The following TRAPPC9 variants were observed in gnomAD, a reference collection of about 807,000 sequenced individuals.
The protein encoded by TRAPPC9 is IKK2 binding protein.
In TRAPPC9, 83 loss-of-function variants were observed where a neutral mutation model predicts 124.0. The observed-to-expected ratio is 0.67, with a 90% CI of 0.56 to 0.80. The LOEUF (loss-of-function observed/expected upper bound fraction) is 0.80. Among genes scored for constraint, TRAPPC9 ranks in the 30% least tolerant of loss-of-function variants. TRAPPC9 has a pLI of 0.00. For missense variants in TRAPPC9, 1,302 were observed against 1,508.3 expected, an observed-to-expected ratio of 0.86 and a Z score of 2.27; for synonymous variants, 638 against 617.5, an observed-to-expected ratio of 1.03 and a Z score of -0.49.
At chr8:140,292,798 G>A (rs1233736606) in intron 11 of TRAPPC9, among the ~76,000 whole-genome samples, 1 of 147,920 alleles carries the variant, frequency 6.8e-6, no homozygotes, top group Non-Finnish European at 1.5e-5. Flanking sequence ...TCAGGACATA[G>A]GCATGGGCAA....
chr8:139,925,747 T>TAAA (rs745528003), intron 19 of TRAPPC9, among the ~76,000 whole-genome samples: 1 of 124,960 alleles, frequency 8.0e-6, no homozygotes, highest in African/African-American at 3.0e-5. Context: ...GACTCCATCT[T>TAAA]AAAAAAAAAA....
At chr8:140,082,240 A>G (rs944751531) in intron 17 of TRAPPC9, 1 of 139,850 alleles carries the variant, frequency 7.2e-6, no homozygotes, top group East Asian at 2.2e-4. Flanking sequence ...ACCTGGGCCC[A>G]GCAGTGATTT....
chr8:139,995,358 C>T (rs886838136), intron 18 of TRAPPC9, among the ~76,000 whole-genome samples: 3 of 152,094 alleles, frequency 2.0e-5, no homozygotes, highest in Non-Finnish European at 4.4e-5. Context: ...TTTTTTCTTC[C>T]CTTTTCTCCC....
rs540004787 is a variant in TRAPPC9, at chr8:140,239,053, G to C, written c.2431+13724C>G. Among the ~76,000 whole-genome samples the C allele has an allele frequency of 2.0e-5, 3 of 152,310 alleles. No individual in the cohort carries two copies. In the South Asian group the frequency reaches 6.2e-4, roughly 32 times the overall value. On this transcript the variant is annotated intron_variant, in intron 16 of 22. Transcript: ENST00000438773. ...CACTGGGAAGAGGGAGCAGGCCCCG[G>C]AGAAAGCTGCTCCTTGGAGCAGCTG...
At chr8:139,929,986 C>G (rs1833040744) in intron 19 of TRAPPC9, among the ~76,000 whole-genome samples, 1 of 152,234 alleles carries the variant, frequency 6.6e-6, no homozygotes, top group African/African-American at 2.4e-5. Context: ...ACACAGAAGG[C>G]CATCAATATA....
At chr8:140,266,411 C>A (rs1023249989) in intron 15 of TRAPPC9, among the ~76,000 whole-genome samples, 1 of 150,134 alleles carries the variant, frequency 6.7e-6, no homozygotes, top group African/African-American at 2.5e-5. Flanking sequence ...TGCAGTGAGC[C>A]GAGGTTGTAC....
At chr8:139,769,490 T>G (rs28591309) in intron 21 of TRAPPC9, among the ~76,000 whole-genome samples, 13,961 of 152,258 alleles carry the variant, frequency 0.092, 688 homozygotes, top group African/African-American at 0.12. Flanking sequence ...CTGCACAATT[T>G]AAAACCTACG....
At chr8:139,885,848 C>A (rs760508405) in intron 21 of TRAPPC9, 31 bp downstream of exon 21, 10 of 1,548,782 alleles carry the variant, frequency 6.5e-6, no homozygotes, top group Non-Finnish European at 7.9e-6. Context: ...CACATCCACC[C>A]AGAATCGATG....
chr8:140,435,568 G>A (rs914556246), intron 3 of TRAPPC9, among the ~76,000 whole-genome samples: 3 of 152,196 alleles, frequency 2.0e-5, no homozygotes, highest in South Asian at 2.1e-4. Context: ...ATCCATTCAC[G>A]TGGCCGGCAT....
chr8:140,078,527 T>C (rs1843638048), intron 17 of TRAPPC9, among the ~76,000 whole-genome samples: 1 of 151,974 alleles, frequency 6.6e-6, no homozygotes. Flanking sequence ...GGGGCAGGGA[T>C]GAATGGATGG....
At chr8:139,885,036 TG>T (rs1829913875) in intron 21 of TRAPPC9, among the ~76,000 whole-genome samples, 1 of 152,148 alleles carries the variant, frequency 6.6e-6, no homozygotes, top group African/African-American at 2.4e-5. Context: ...AATTTATTAA[TG>T]AACCGGATCC....
intron 10 of TRAPPC9, among the ~76,000 whole-genome samples, chr8:140,310,866 G>A (rs528421388): frequency 1.2e-4 from 19 of 152,114 alleles, no homozygotes; most frequent in Admixed American, 2.0e-4. Context: ...CCCTGTTCCC[G>A]TGTGGCTGGG....
intron 9 of TRAPPC9, among the ~76,000 whole-genome samples, chr8:140,314,765 C>T (rs1181157946): frequency 1.3e-5 from 2 of 152,200 alleles, no homozygotes; most frequent in Non-Finnish European, 2.9e-5. Flanking sequence ...TTGCAAATGA[C>T]AGGATTTAAT....
At position 140,033,658 on chromosome 8, in the gene TRAPPC9, GTTTTTTTTTTTTTTTTTTTTTT is replaced by G. The variant is rs776155126; in HGVS notation, c.2557-9601_2557-9580del. Among the ~76,000 whole-genome samples the G allele has an allele frequency of 6.4e-3, 272 of 42,388 alleles. 1 individual carries two copies. The East Asian group carries it at 0.071, about 11-fold the overall frequency. The allele number at this position is 42,388 out of a possible 152,430, so 27.8% of individuals were successfully genotyped here. A position where few individuals can be genotyped will look rare whatever the true frequency, so the allele number is the denominator to read the frequency against. ...TTGAAATGCAACTCTTCATAATGTG[GTTTTTTTTTTTTTTTTTTTTTT>G]TTTTTTTTTTTTTTTTTTTGAGACA... On this transcript the variant is annotated intron_variant, in intron 17 of 22. Coordinates refer to ENST00000438773, the MANE Select transcript of TRAPPC9 (RefSeq NM_001160372.4).
At chr8:139,756,047 G>T (rs1205948928) in intron 21 of TRAPPC9, among the ~76,000 whole-genome samples, 7 of 123,978 alleles carry the variant, frequency 5.6e-5, no homozygotes, top group Admixed American at 7.5e-5. Flanking sequence ...AGGGATTAGG[G>T]ATGAGGACAG....
At chr8:140,228,810 A>AT (rs1444390852) in intron 16 of TRAPPC9, among the ~76,000 whole-genome samples, 1 of 152,202 alleles carries the variant, frequency 6.6e-6, no homozygotes, top group Non-Finnish European at 1.5e-5. Context: ...CACAACAAAT[A>AT]TTTTTTAAAA....
intron 17 of TRAPPC9, among the ~76,000 whole-genome samples, chr8:140,189,963 A>G (rs1479230517): frequency 2.6e-5 from 4 of 152,182 alleles, no homozygotes; most frequent in Non-Finnish European, 5.9e-5. Flanking sequence ...TAGCTCTCTC[A>G]TCTATCTTAG....
At chr8:139,755,168 C>G (rs1281832847) in intron 21 of TRAPPC9, among the ~76,000 whole-genome samples, 1 of 152,250 alleles carries the variant, frequency 6.6e-6, no homozygotes, top group East Asian at 1.9e-4. Flanking sequence ...TGGTGTGGCA[C>G]CTGGCACCCT....
rs2065906554 is a variant in TRAPPC9 at position 140,299,549 on chromosome 8, C to T, written c.1768+920G>A. Reference sequence around the variant, plus strand: ...TCCCGCTCACACTCCTCGGAGGCCCCGGCAGTCGCCAAGCAGCGGCCAGCC... The same window carrying T: ...TCCCGCTCACACTCCTCGGAGGCCCTGGCAGTCGCCAAGCAGCGGCCAGCC... On this transcript the variant is annotated intron_variant, in intron 11 of 22. Coordinates refer to ENST00000438773, the MANE Select transcript of TRAPPC9 (RefSeq NM_001160372.4). Among the ~76,000 whole-genome samples the T allele has an allele frequency of 2.0e-5, 3 of 152,252 alleles. 1 individual carries two copies. The highest frequency in any genetic ancestry group is 1.9e-4 in the East Asian group (1 of 5,198).
Sources: allele counts gnomAD v4.1 joint callset (sites outside exome capture counted in the v4.1 genomes callset), GRCh38; gene constraint gnomAD v4.1.1; transcripts MANE v1.5; gene names NCBI Gene and HGNC (gene_info 2026-07-23, HGNC 2026-07-21).